ZNF443: variants seen among roughly 807,000 people sequenced by gnomAD.
ZNF443 encodes Kruppel-type zinc finger (C2H2).
A neutral mutation model predicts 12.0 loss-of-function variants in ZNF443; 3 were observed. The ratio of observed to expected loss-of-function variants is 0.25; its 90% CI spans 0.11 to 0.64. The LOEUF (loss-of-function observed/expected upper bound fraction) is 0.64, where lower values mean the gene tolerates loss of function less well. Ranked by LOEUF, ZNF443 falls within the 30% of genes least tolerant of loss-of-function variation. The pLI is 0.84. For missense variants in ZNF443, 770 were observed against 808.8 expected, an observed-to-expected ratio of 0.95 and a Z score of 0.58; for synonymous variants, 225 against 265.9, an observed-to-expected ratio of 0.85 and a Z score of 1.50.
intron 1 of ZNF443, 61 bp downstream of exon 1, chr19:12,440,851 G>T: frequency 1.9e-6 from 3 of 1,613,298 alleles, no homozygotes; most frequent in Admixed American, 1.7e-5. Flanking sequence ...AGCCACAGCC[G>T]ATTACGGCCG....
chr19:12,431,142 TC>T lies in ZNF443; in HGVS notation c.1029del (p.Ala345ArgfsTer12). On this transcript the variant is annotated frameshift_variant, in exon 4 of 4. Transcript: ENST00000301547. LOFTEE classifies it low-confidence loss of function (END_TRUNC). ...AAGCTTCCCAGATGATGAAACGCTT[TC>T]CCACATTGCTGACATGCATAGGGTT... ...AEKPYACQQC[G>X]KAFHHLGSFQ... 1 of 1,614,142 alleles carries T rather than the reference TC, an allele frequency of 6.2e-7. No homozygotes were observed. The highest frequency in any genetic ancestry group is 8.5e-7 in the Non-Finnish European group (1 of 1,179,976).
intron 1 of ZNF443, among the ~76,000 whole-genome samples, chr19:12,439,203 G>T (rs1970342092): frequency 6.6e-6 from 1 of 152,164 alleles, no homozygotes; most frequent in African/African-American, 2.4e-5. Context: ...AAGTCTGAGA[G>T]AGTCCAGAAG....
Position 12,430,548 on chromosome 19 carries a change from C to T in ZNF443, c.1624G>A (p.Gly542Ser), listed in dbSNP as rs770408018. Reference sequence around the variant, plus strand: ...TGTACCTTTAAGTTATCATAATGACCGAAGGCTTTCCTACATGTTTTACAC... The same window carrying T: ...TGTACCTTTAAGTTATCATAATGACTGAAGGCTTTCCTACATGTTTTACAC... ...YECKTCRKAF[G>S]HYDNLKVHER... Residue 542 changes from glycine to serine, a missense_variant, in exon 4 of 4, where the codon GGT becomes AGT. Gly to Ser is a moderately conservative substitution (Grantham distance 56, BLOSUM62 0). Coordinates refer to ENST00000301547, the MANE Select transcript of ZNF443 (RefSeq NM_005815.5). The T allele has an allele frequency of 6.7e-5, 108 of 1,613,660 alleles. No individual in the cohort carries two copies. Among genetic ancestry groups the T allele is most frequent in the Admixed American group, 1.0e-4 (6 of 59,954 alleles).
Position 12,432,373 on chromosome 19 carries a change from T to A in ZNF443, c.191+4A>T. The A allele has an allele frequency of 6.4e-7, 1 of 1,573,272 alleles. No individual in the cohort carries two copies. Among genetic ancestry groups the A allele is most frequent in the Non-Finnish European group, 8.7e-7 (1 of 1,151,302 alleles). The stretch of plus-strand genomic sequence containing the variant: ...CATATCTTTCTCTTGTGAGTGTAAA[T>A]TACCTTAGATTTTTCCTGGGATATC... On this transcript the variant is annotated splice_donor_region_variant and intron_variant, in intron 3 of 3. Coordinates refer to ENST00000301547, the MANE Select transcript of ZNF443 (RefSeq NM_005815.5).
chr19:12,439,889 T>A (rs182879606), intron 1 of ZNF443, among the ~76,000 whole-genome samples: 2 of 152,030 alleles, frequency 1.3e-5, no homozygotes, highest in African/African-American at 2.4e-5. Flanking sequence ...CAGTTCATAC[T>A]GTTGCTGTGA....
chr19:12,430,955 G>A lies in ZNF443; in HGVS notation c.1217C>T (p.Ser406Leu). ...CATTATCATATGACTTCGAAAGCTT[G>A]AGCGATGAGATAATGCTTTCCCACA... Reference protein sequence around the residue: ...KQCGKALSHRSSFRSHMIMHT... With the variant: ...KQCGKALSHRLSFRSHMIMHT... The change falls in exon 4 of 4, where the codon TCA becomes TTA. Residue 406 changes from serine to leucine, a missense_variant. Around this residue, in one of 3 missense-constraint regions of ZNF443, gnomAD observed 736 missense variants for 689.4 expected, o/e 1.07. Transcript: ENST00000301547. The A allele has an allele frequency of 1.2e-6, 2 of 1,613,536 alleles. No individual in the cohort carries two copies. The highest frequency in any genetic ancestry group is 1.1e-5 in the South Asian group (1 of 91,040).
At chr19:12,436,899 T>TATC (rs60613131) in intron 1 of ZNF443, among the ~76,000 whole-genome samples, 149,833 of 149,928 alleles carry the variant, frequency 1, 74,872 homozygotes, top group Middle Eastern at 1. Flanking sequence ...CAAAAAATAA[T>TATC]AACAATGTAT....
At position 12,430,666 on chromosome 19, in the gene ZNF443, C is replaced by T. The variant is rs1372076496; in HGVS notation, c.1506G>A (p.Lys502=). 12 of 1,613,326 alleles carry T rather than the reference C, an allele frequency of 7.4e-6. No individual in the cohort carries two copies. Among genetic ancestry groups the T allele is most frequent in the Non-Finnish European group, 7.6e-6 (9 of 1,179,734 alleles). The change falls in exon 4 of 4, where the codon AAG becomes AAA. Residue 502 remains lysine, a synonymous_variant. Coordinates refer to ENST00000301547, the MANE Select transcript of ZNF443 (RefSeq NM_005815.5). Reference sequence around the variant, plus strand: ...TCCCACATTCCTTACACTCATATGGCTTCTCTCCAGTGTGAGTTGTTTTGT... The same window carrying T: ...TCCCACATTCCTTACACTCATATGGTTTCTCTCCAGTGTGAGTTGTTTTGT... ...QNHKTTHTGE[K]PYECKECGKA...
intron 1 of ZNF443, among the ~76,000 whole-genome samples, chr19:12,438,477 G>T (rs1970335102): frequency 6.6e-6 from 1 of 152,140 alleles, no homozygotes; most frequent in Non-Finnish European, 1.5e-5. Context: ...GATATAACAG[G>T]AACAGAACAG....
At chr19:12,440,200 G>A (rs1041067683) in intron 1 of ZNF443, among the ~76,000 whole-genome samples, 9 of 145,332 alleles carry the variant, frequency 6.2e-5, no homozygotes, top group Non-Finnish European at 1.2e-4. Flanking sequence ...GGCTGGAGGC[G>A]AGATTGCAGT....
intron 1 of ZNF443, among the ~76,000 whole-genome samples, chr19:12,434,250 T>C (rs1477916270): frequency 6.6e-6 from 1 of 152,228 alleles, no homozygotes; most frequent in Admixed American, 6.5e-5. Context: ...GTAGATAATA[T>C]TTCACATGTT....
chr19:12,430,527 C>G lies in ZNF443; in HGVS notation c.1645G>C (p.Val549Leu), dbSNP rs143259174. The change falls in exon 4 of 4, where the codon GTA becomes CTA. Residue 549 changes from valine to leucine, a missense_variant. Physicochemically the swap from Val to Leu is conservative, Grantham distance 32 (BLOSUM62 1). Transcript: ENST00000301547. ...KAFGHYDNLK[V>L]HERIHSGEKP... ...TCTCCAGAGTGAATTCTTTCATGTA[C>G]CTTTAAGTTATCATAATGACCGAAG... is the stretch of plus-strand genomic sequence containing the variant. The G allele has an allele frequency of 8.7e-6, 14 of 1,613,834 alleles. No individual in the cohort carries two copies. In the African/African-American group the frequency reaches 1.5e-4, roughly 17 times the overall value.
At chr19:12,437,645 GGACT>G (rs781348448) in intron 1 of ZNF443, among the ~76,000 whole-genome samples, 1 of 151,864 alleles carries the variant, frequency 6.6e-6, no homozygotes, top group Non-Finnish European at 1.5e-5. Context: ...AAGAAGACAA[GGACT>G]GACAGAGTAG....
chr19:12,431,714 T>C lies in ZNF443; in HGVS notation c.458A>G (p.His153Arg), dbSNP rs200406116. 6.2e-7 allele frequency: 1 copy of C among 1,614,150 alleles called. No homozygotes were observed. The highest frequency in any genetic ancestry group is 8.5e-7 in the Non-Finnish European group (1 of 1,179,998). ...HKQRGKAFSY[H>R]NSFQTHERLH... ...CCTCTCATGTGTTTGAAATGAGTTG[T>C]GGTAACTGAAGGCTTTCCCACGTTG... The change falls in exon 4 of 4, where the codon CAC becomes CGC. Residue 153 changes from histidine to arginine, a missense_variant. By Grantham distance (29) the His-to-Arg change is conservative. Coordinates refer to ENST00000301547, the MANE Select transcript of ZNF443 (RefSeq NM_005815.5).
Position 12,430,277 on chromosome 19 carries a change from T to A in ZNF443, c.1895A>T (p.His632Leu), listed in dbSNP as rs1201717103. 2 of 1,613,760 alleles carry A rather than the reference T, an allele frequency of 1.2e-6. No homozygotes were observed. Among genetic ancestry groups the A allele is most frequent in the African/African-American group, 2.7e-5 (2 of 74,884 alleles). Reference sequence around the variant, plus strand: ...TTTCCAGTGAGTCTTTTTATGTCTATGCAAGGAACTGAGAGAAGCAAATGC... The same window carrying A: ...TTTCCAGTGAGTCTTTTTATGTCTAAGCAAGGAACTGAGAGAAGCAAATGC... ...GKAFASLSSLHRHKKTHWKKT... is the reference protein window; with the variant it reads ...GKAFASLSSLLRHKKTHWKKT... Residue 632 changes from histidine (H) to leucine (L), a missense_variant, in exon 4 of 4, where the codon CAT (histidine) becomes CTT (leucine). His to Leu is a moderately conservative substitution (Grantham distance 99). Coordinates refer to ENST00000301547, the MANE Select transcript of ZNF443 (RefSeq NM_005815.5).
intron 1 of ZNF443, among the ~76,000 whole-genome samples, chr19:12,439,681 CA>C (rs1255933526): frequency 6.6e-6 from 1 of 152,146 alleles, no homozygotes; most frequent in Non-Finnish European, 1.5e-5. Context: ...ACACTAGAGA[CA>C]AAGTCTTGCC....
In ZNF443 at chr19:12,430,468, T is replaced by G. The variant is rs149134494; in HGVS notation, c.1704A>C (p.Ala568=). The part of the protein sequence containing the change: ...KPYECKECGK[A]FSWLTCFLRH... Reference sequence around the variant, plus strand: ...GTAGAAAGCAAGTGAGCCAAGAGAATGCTTTCCCACATTCCTTACATTCAT... The same window carrying G: ...GTAGAAAGCAAGTGAGCCAAGAGAAGGCTTTCCCACATTCCTTACATTCAT... Residue 568 remains alanine, a synonymous_variant, in exon 4 of 4, where the codon GCA becomes GCC. Transcript: ENST00000301547. The G allele has an allele frequency of 6.2e-7, 1 of 1,613,982 alleles. No individual in the cohort carries two copies. Among genetic ancestry groups the G allele is most frequent in the Admixed American group, 1.7e-5 (1 of 60,002 alleles).
At position 12,440,986 on chromosome 19, in the gene ZNF443, G is replaced by A. The variant is rs563908480; in HGVS notation, c.-72C>T. The A allele has an allele frequency of 1.3e-5, 21 of 1,612,454 alleles. No individual in the cohort carries two copies. In the East Asian group the frequency reaches 2.5e-4, roughly 19 times the overall value. ...CCAATGCGTGTTCCAGCCAGACAAAGGCTGCCTCAGAACTTCCAGGTCGTC... is the reference window on the plus strand; with the variant it reads ...CCAATGCGTGTTCCAGCCAGACAAAAGCTGCCTCAGAACTTCCAGGTCGTC... On this transcript the variant is annotated 5_prime_UTR_variant, in exon 1 of 4. Transcript: ENST00000301547.
chr19:12,430,991 T>A lies in ZNF443; in HGVS notation c.1181A>T (p.Glu394Val). 2 of 1,613,880 alleles carry A rather than the reference T, an allele frequency of 1.2e-6. No homozygotes were observed. The highest frequency in any genetic ancestry group is 1.7e-6 in the Non-Finnish European group (2 of 1,179,836). Residue 394 changes from glutamate to valine, a missense_variant, in exon 4 of 4, where the codon GAA becomes GTA. This residue lies in a region of ZNF443 where 736 missense variants were observed against 689.4 expected (regional missense o/e 1.07). Coordinates refer to ENST00000301547, the MANE Select transcript of ZNF443 (RefSeq NM_005815.5). ...ERTHTGEKPY[E>V]CKQCGKALSH... ...TAATGCTTTCCCACACTGCTTGCAT[T>A]CATAGGGTTTCTCTCCAGTGTGAGT...
Sources: allele counts gnomAD v4.1 joint callset (sites outside exome capture counted in the v4.1 genomes callset), GRCh38; gene constraint gnomAD v4.1.1; regional missense constraint gnomAD v4.1.1; transcripts MANE v1.5; gene names NCBI Gene and HGNC (gene_info 2026-07-23, HGNC 2026-07-21).